Variants in SUGCT observed in about 807,000 individuals in gnomAD.
SUGCT encodes the protein succinyl-CoA:glutarate CoA-transferase.
Under a neutral mutation model 55.0 loss-of-function variants are expected in SUGCT, and 41 were observed. The observed-to-expected ratio is 0.74, with a 90% CI of 0.58 to 0.97. The LOEUF is 0.97. Among genes scored for constraint, SUGCT ranks in the 50% least tolerant of loss-of-function variants. The pLI, the probability that SUGCT is intolerant of heterozygous loss-of-function variation, is 0.00. For synonymous variants in SUGCT, 187 were observed against 200.4 expected (o/e 0.93, Z 0.56); for missense variants, 568 against 547.8 (o/e 1.04, Z -0.37).
intron 13 of SUGCT, among the ~76,000 whole-genome samples, chr7:40,770,419 G>A (rs1458157720): frequency 6.6e-6 from 1 of 152,172 alleles, no homozygotes; most frequent in East Asian, 1.9e-4. Flanking sequence ...CCTGGAAGGT[G>A]GTCCTTGTCT....
At chr7:40,427,662 A>G (rs1185648869) in intron 9 of SUGCT, among the ~76,000 whole-genome samples, 1 of 152,142 alleles carries the variant, frequency 6.6e-6, no homozygotes, top group Non-Finnish European at 1.5e-5. Context: ...TTCTCCGAGA[A>G]GCAGAAGACG....
the SUGCT span, among the ~76,000 whole-genome samples, chr7:41,030,343 T>C: frequency 6.6e-6 from 1 of 152,164 alleles, no homozygotes; most frequent in Non-Finnish European, 1.5e-5. Context: ...GAAGCCTTAC[T>C]TTCTGAAAAA....
At chr7:40,747,255 A>T (rs1787780795) in intron 12 of SUGCT, among the ~76,000 whole-genome samples, 1 of 152,190 alleles carries the variant, frequency 6.6e-6, no homozygotes, top group Non-Finnish European at 1.5e-5. Flanking sequence ...GAAAAGTGGT[A>T]ACCATTCCCA....
Position 40,737,184 on chromosome 7 carries a change from G to A in SUGCT, c.1090-12250G>A, listed in dbSNP as rs77144338. Among the ~76,000 whole-genome samples the A allele has an allele frequency of 1.1e-3, 166 of 152,284 alleles. 4 individuals are homozygous for A. The East Asian group carries it at 0.029, about 26-fold the overall frequency. ...TGGACACAGCACAGAGTGTCCTCAA[G>A]TTCACAGCTTCGACATTGAATCACA... is the stretch of plus-strand genomic sequence containing the variant. On this transcript the variant is annotated intron_variant, in intron 12 of 13. Transcript: ENST00000335693.
chr7:40,296,485 A>T (rs1017859543), intron 8 of SUGCT, among the ~76,000 whole-genome samples: 5 of 152,172 alleles, frequency 3.3e-5, no homozygotes. Flanking sequence ...TGTCAAGTAC[A>T]TATTACATTT....
chr7:40,632,252 A>G (rs1799822296), intron 12 of SUGCT, among the ~76,000 whole-genome samples: 1 of 152,112 alleles, frequency 6.6e-6, no homozygotes, highest in Admixed American at 6.6e-5. Flanking sequence ...AAGCCTTGAT[A>G]AGCTCAAGCC....
intron 12 of SUGCT, among the ~76,000 whole-genome samples, chr7:40,730,092 A>G (rs1164219991): frequency 1.3e-5 from 2 of 152,186 alleles, no homozygotes; most frequent in Middle Eastern, 3.4e-3. Flanking sequence ...TGAACACAGG[A>G]GAGTCCATTC....
At chr7:40,588,678 A>G (rs1180852155) in intron 12 of SUGCT, among the ~76,000 whole-genome samples, 1 of 152,226 alleles carries the variant, frequency 6.6e-6, no homozygotes, top group Non-Finnish European at 1.5e-5. Context: ...GTTTAATACC[A>G]TCATATTTAA....
At chr7:40,769,510 G>T (rs889547964) in intron 13 of SUGCT, among the ~76,000 whole-genome samples, 2 of 152,200 alleles carry the variant, frequency 1.3e-5, no homozygotes, top group African/African-American at 4.8e-5. Context: ...AGAATCAGAG[G>T]AGAATATGAT....
At chr7:40,842,183 T>C (rs937870824) in intron 13 of SUGCT, among the ~76,000 whole-genome samples, 1 of 152,034 alleles carries the variant, frequency 6.6e-6, no homozygotes, top group Non-Finnish European at 1.5e-5. Flanking sequence ...TATTATTATA[T>C]GAAATTTGCA....
At chr7:40,904,408 G>A in the SUGCT span, among the ~76,000 whole-genome samples, 8 of 152,126 alleles carry the variant, frequency 5.3e-5, no homozygotes, top group East Asian at 7.7e-4. Flanking sequence ...TTTAAGGGAC[G>A]TAATTTGCTT....
At chr7:40,860,054 G>A (rs1385918664) in intron 13 of SUGCT, among the ~76,000 whole-genome samples, 3 of 152,170 alleles carry the variant, frequency 2.0e-5, no homozygotes, top group South Asian at 2.1e-4. Context: ...AAATAGGCCC[G>A]GCACAAATTA....
At chr7:40,780,157 G>A (rs1336362443) in intron 13 of SUGCT, among the ~76,000 whole-genome samples, 1 of 152,186 alleles carries the variant, frequency 6.6e-6, no homozygotes, top group Non-Finnish European at 1.5e-5. Flanking sequence ...ATCCCTACAA[G>A]TGTAGTTCTC....
At chr7:40,292,053 G>A (rs1793817239) in intron 8 of SUGCT, among the ~76,000 whole-genome samples, 1 of 152,144 alleles carries the variant, frequency 6.6e-6, no homozygotes, top group South Asian at 2.1e-4. Context: ...TAAGTTTAGG[G>A]GCAATTTGTT....
intron 11 of SUGCT, among the ~76,000 whole-genome samples, chr7:40,476,244 T>C (rs1562803569): frequency 6.6e-6 from 1 of 152,148 alleles, no homozygotes; most frequent in Non-Finnish European, 1.5e-5. Flanking sequence ...GCTATAACAA[T>C]ATCAGCTGTC....
In SUGCT at chr7:40,755,865, C is replaced by T. The variant is rs556482425; in HGVS notation, c.1153+6368C>T. Among the ~76,000 whole-genome samples, 56 of 152,226 alleles carry T rather than the reference C, an allele frequency of 3.7e-4. No individual in the cohort carries two copies. The South Asian group carries it at 6.9e-3, about 19-fold the overall frequency. The stretch of plus-strand genomic sequence containing the variant: ...ATTGAATTGCTTCTGCCTGCTGGTC[C>T]CCTGATCTGTGTTTTTCAGAAAGCA... On this transcript the variant is annotated intron_variant, in intron 13 of 13. Transcript: ENST00000335693.
chr7:40,401,207 T>C (rs1159082595), intron 9 of SUGCT, among the ~76,000 whole-genome samples: 1 of 152,214 alleles, frequency 6.6e-6, no homozygotes, highest in East Asian at 1.9e-4. Context: ...GAATATTTAC[T>C]GTCATTACAA....
the SUGCT span, among the ~76,000 whole-genome samples, chr7:40,916,066 T>TACAC: frequency 6.6e-5 from 6 of 90,246 alleles, no homozygotes; most frequent in African/African-American, 2.4e-4. Flanking sequence ...TCTCTCTCTC[T>TACAC]ACATACACAC....
chr7:40,785,841 A>T (rs1464526275), intron 13 of SUGCT, among the ~76,000 whole-genome samples: 1 of 152,176 alleles, frequency 6.6e-6, no homozygotes, highest in East Asian at 1.9e-4. Flanking sequence ...TAATCCCAGC[A>T]CTTTGGAAGG....
Sources: allele counts gnomAD v4.1 joint callset (sites outside exome capture counted in the v4.1 genomes callset), GRCh38; gene constraint gnomAD v4.1.1; transcripts MANE v1.5; gene names NCBI Gene and HGNC (gene_info 2026-07-23, HGNC 2026-07-21).